The following CCDC81 variants were observed in gnomAD, a reference collection of about 807,000 sequenced individuals.
CCDC81 encodes coiled-coil domain containing 81.
CCDC81 carries 79 observed loss-of-function variants against 83.7 expected under a neutral mutation model. That is an observed-to-expected ratio of 0.94 (90% CI 0.79 to 1.14). The LOEUF (loss-of-function observed/expected upper bound fraction) is 1.14, where lower values mean the gene tolerates loss of function less well. CCDC81 is among the 50% of genes most tolerant of loss of function. The pLI is 0.00. For missense variants in CCDC81, 791 were observed against 778.1 expected (o/e 1.02, Z -0.20); for synonymous variants, 252 against 278.1 (o/e 0.91, Z 0.93).
intron 11 of CCDC81, among the ~76,000 whole-genome samples, chr11:86,413,059 T>C (rs1948668854): frequency 6.6e-6 from 1 of 152,144 alleles, no homozygotes; most frequent in Non-Finnish European, 1.5e-5. Context: ...AAGGTTTTAT[T>C]GAGTGGAAGT....
chr11:86,390,946 G>A (rs1948320548), intron 3 of CCDC81, among the ~76,000 whole-genome samples: 1 of 152,150 alleles, frequency 6.6e-6, no homozygotes, highest in African/African-American at 2.4e-5. Context: ...TTACCTAGGA[G>A]AGAATATATA....
chr11:86,380,605 T>C (rs1948164421), intron 1 of CCDC81, among the ~76,000 whole-genome samples: 1 of 152,180 alleles, frequency 6.6e-6, no homozygotes, highest in Non-Finnish European at 1.5e-5. Flanking sequence ...TGCCTCACAA[T>C]CCTTGGATAT....
Position 86,415,279 on chromosome 11 carries a change from C to T in CCDC81, c.1657C>T (p.Arg553Trp), listed in dbSNP as rs201713611. The change falls in exon 13 of 15, where the codon CGG becomes TGG. Residue 553 changes from arginine (R) to tryptophan (W), a missense_variant. Coordinates refer to ENST00000445632, the MANE Select transcript of CCDC81 (RefSeq NM_001156474.2). ...AILHQLVDQR[R>W]DLQMLQRTQR... ...CCTGCATCAACTAGTGGACCAGAGG[C>T]GGGATTTGCAAATGCTTCAGAGGAC... The T allele has an allele frequency of 7.2e-5, 117 of 1,614,020 alleles. No homozygotes were observed. Among genetic ancestry groups the T allele is most frequent in the Middle Eastern group, 1.6e-4 (1 of 6,078 alleles).
chr11:86,392,181 G>A (rs1948340008), intron 3 of CCDC81, among the ~76,000 whole-genome samples: 1 of 152,154 alleles, frequency 6.6e-6, no homozygotes, highest in African/African-American at 2.4e-5. Flanking sequence ...GCTGCAGTAT[G>A]TCCTAAAAGA....
At chr11:86,395,177 C>A in intron 4 of CCDC81, 157 bp from the exon 5 acceptor site, 1 of 551,874 alleles carries the variant, frequency 1.8e-6, no homozygotes. Context: ...TGAGATCATT[C>A]CTCATTGGAT....
intron 10 of CCDC81, among the ~76,000 whole-genome samples, chr11:86,410,182 C>A (rs1191445765): frequency 2.0e-5 from 3 of 152,190 alleles, no homozygotes; most frequent in Non-Finnish European, 4.4e-5. Flanking sequence ...CATCATGTGC[C>A]TACCTTTATT....
At chr11:86,401,323 T>G (rs1948483651) in intron 7 of CCDC81, among the ~76,000 whole-genome samples, 1 of 152,174 alleles carries the variant, frequency 6.6e-6, no homozygotes, top group Non-Finnish European at 1.5e-5. Flanking sequence ...TCTCTCTGAG[T>G]AGGATACTTT....
rs1364949961 is a variant in CCDC81 at position 86,416,642 on chromosome 11, G to A, written c.1691+1329G>A. Among the ~76,000 whole-genome samples the A allele has an allele frequency of 4.6e-5, 7 of 152,266 alleles. No individual in the cohort carries two copies. In the East Asian group the frequency reaches 9.6e-4, roughly 21 times the overall value. ...AGATTATGTATGTGAGAGCATTTTCGGAAACTGTAAAGCTCTGAACACATC... is the reference window on the plus strand; with the variant it reads ...AGATTATGTATGTGAGAGCATTTTCAGAAACTGTAAAGCTCTGAACACATC... On this transcript the variant is annotated intron_variant, in intron 13 of 14. Transcript: ENST00000445632.
At position 86,422,828 on chromosome 11, in the gene CCDC81, T is replaced by G; in HGVS notation, c.*113T>G. Reference sequence around the variant, plus strand: ...CAGAGAAAAAAATCATTGTTTAGGTTTGGTGCTTTCATTAGATTGCTTGTT... The same window carrying G: ...CAGAGAAAAAAATCATTGTTTAGGTGTGGTGCTTTCATTAGATTGCTTGTT... On this transcript the variant is annotated 3_prime_UTR_variant, in exon 15 of 15. Transcript: ENST00000445632. The G allele has an allele frequency of 9.1e-7, 1 of 1,095,220 alleles. No individual in the cohort carries two copies. The highest frequency in any genetic ancestry group is 1.3e-6 in the Non-Finnish European group (1 of 768,064). 67.8% of individuals were successfully genotyped at this position (1,095,220 alleles called of 1,614,324 possible). A position where few individuals can be genotyped will look rare whatever the true frequency, so the allele number is the denominator to read the frequency against.
At chr11:86,401,728 G>A (rs995497051) in intron 7 of CCDC81, among the ~76,000 whole-genome samples, 4 of 152,072 alleles carry the variant, frequency 2.6e-5, no homozygotes, top group Non-Finnish European at 4.4e-5. Context: ...AAAAATGCAT[G>A]CGACGAAGAC....
At chr11:86,381,364 C>T (rs1229541951) in intron 1 of CCDC81, among the ~76,000 whole-genome samples, 3 of 152,122 alleles carry the variant, frequency 2.0e-5, no homozygotes, top group Non-Finnish European at 4.4e-5. Context: ...CTTCCTCCCA[C>T]CTGAAGCACA....
chr11:86,422,476 CACTTT>C, intron 14 of CCDC81, 93 bp from the exon 15 acceptor site: 1 of 1,083,736 alleles, frequency 9.2e-7, no homozygotes, highest in Non-Finnish European at 1.4e-6. Flanking sequence ...CGCAAGGTGT[CACTTT>C]TCTTTTGTGT....
intron 14 of CCDC81, among the ~76,000 whole-genome samples, chr11:86,421,647 T>C (rs1181101460): frequency 6.6e-6 from 1 of 152,230 alleles, no homozygotes; most frequent in Non-Finnish European, 1.5e-5. Flanking sequence ...CTGGATGCCA[T>C]GGCTCATGCC....
chr11:86,405,007 G>A (rs1948545435), intron 7 of CCDC81, among the ~76,000 whole-genome samples: 1 of 152,076 alleles, frequency 6.6e-6, no homozygotes, highest in Admixed American at 6.5e-5. Flanking sequence ...TGAAGACATT[G>A]TATACTACTA....
chr11:86,401,400 T>G (rs1948485530), intron 7 of CCDC81, among the ~76,000 whole-genome samples: 1 of 152,242 alleles, frequency 6.6e-6, no homozygotes, highest in Admixed American at 6.5e-5. Context: ...CACCTAACTA[T>G]GTACTTTGCA....
chr11:86,397,746 G>A lies in CCDC81; in HGVS notation c.757+4G>A. 2 of 1,611,338 alleles carry A rather than the reference G, an allele frequency of 1.2e-6. No homozygotes were observed. The highest frequency in any genetic ancestry group is 1.7e-6 in the Non-Finnish European group (2 of 1,178,836). On this transcript the variant is annotated splice_donor_region_variant and intron_variant, in intron 6 of 14. Coordinates refer to ENST00000445632, the MANE Select transcript of CCDC81 (RefSeq NM_001156474.2). ...GACAAAGAAGAAGGCACCAGAGGTA[G>A]GCCAATGATTTCTGGGTCCAATCTG... is the stretch of plus-strand genomic sequence containing the variant.
rs1218561723 is a variant in CCDC81, at chr11:86,375,015, T to A, written c.-149T>A. ...GAAAGAAGAAAAAGAGTCAAGAAGT[T>A]CAAGATTTTCGTCACTCTTATTTTT... On this transcript the variant is annotated 5_prime_UTR_variant, in exon 1 of 15. Coordinates refer to ENST00000445632, the MANE Select transcript of CCDC81 (RefSeq NM_001156474.2). 1.3e-6 allele frequency: 1 copy of A among 748,864 alleles called. No individual in the cohort carries two copies. The highest frequency in any genetic ancestry group is 1.7e-5 in the African/African-American group (1 of 57,598). 46.4% of individuals were successfully genotyped at this position (748,864 alleles called of 1,614,324 possible).
chr11:86,422,816 C>A lies in CCDC81; in HGVS notation c.*101C>A, dbSNP rs768269628. ...GTATTTTTACCTCAGAGAAAAAAAT[C>A]ATTGTTTAGGTTTGGTGCTTTCATT... On this transcript the variant is annotated 3_prime_UTR_variant, in exon 15 of 15. Transcript: ENST00000445632. 8.2e-7 allele frequency: 1 copy of A among 1,219,750 alleles called. No individual in the cohort carries two copies. Among genetic ancestry groups the A allele is most frequent in the Non-Finnish European group, 1.1e-6 (1 of 872,876 alleles). 75.6% of individuals were successfully genotyped at this position (1,219,750 alleles called of 1,614,324 possible).
intron 3 of CCDC81, among the ~76,000 whole-genome samples, chr11:86,390,009 G>A (rs922826655): frequency 2.0e-5 from 3 of 152,184 alleles, no homozygotes; most frequent in South Asian, 2.1e-4. Context: ...GGAGGCTAAG[G>A]CAGGAGACTT....
Sources: gnomAD v4.1 joint callset for allele counts (sites outside exome capture counted in the v4.1 genomes callset) on GRCh38, gnomAD v4.1.1 for gene constraint, MANE v1.5 for transcripts, NCBI Gene and HGNC (gene_info 2026-07-23, HGNC 2026-07-21) for gene names.